The following PALD1 variants were observed in gnomAD, a reference collection of about 807,000 sequenced individuals.
PALD1 encodes phosphatase domain containing paladin 1.
PALD1 carries 57 observed loss-of-function variants against 96.0 expected under a neutral mutation model. That is an observed-to-expected ratio of 0.59 (90% confidence interval 0.48 to 0.74). The LOEUF (loss-of-function observed/expected upper bound fraction) is 0.74. PALD1 is among the 30% of genes least tolerant of loss of function. The pLI is 0.00. For missense variants in PALD1, 1,063 were observed against 1,143.7 expected, an observed-to-expected ratio of 0.93 and a Z score of 1.02; for synonymous variants, 464 against 473.6, an observed-to-expected ratio of 0.98 and a Z score of 0.26.
At position 70,566,540 on chromosome 10, in the gene PALD1, C is replaced by T. The variant is rs754011763; in HGVS notation, c.2419-41C>T. ...ACTCAGTGGCCTTAGTGGCACCCTC[C>T]CTCCCCTGAAACACTGCTCCTGCCT... On this transcript the variant is annotated intron_variant, in intron 19 of 19. Transcript: ENST00000263563. 2.2e-5 allele frequency: 33 copies of T among 1,532,218 alleles called. No homozygotes were observed. In the East Asian group the frequency reaches 6.6e-4, roughly 31 times the overall value. 94.9% of individuals were successfully genotyped at this position (1,532,218 alleles called of 1,614,324 possible).
intron 1 of PALD1, among the ~76,000 whole-genome samples, chr10:70,497,340 C>T (rs138388520): frequency 3.9e-3 from 592 of 152,340 alleles, no homozygotes; most frequent in African/African-American, 8.3e-3. Context: ...ACAGCTGCCT[C>T]GCTCAGACCC....
intron 2 of PALD1, among the ~76,000 whole-genome samples, 153 bp from the exon 3 acceptor site, chr10:70,529,076 G>A (rs373227745): frequency 2.6e-5 from 4 of 151,994 alleles, no homozygotes; most frequent in African/African-American, 9.7e-5. Flanking sequence ...GAGGAAGAAG[G>A]GAAGAGTGGA....
chr10:70,554,879 A>G (rs1396398750), intron 18 of PALD1, among the ~76,000 whole-genome samples: 1 of 126,904 alleles, frequency 7.9e-6, no homozygotes, highest in African/African-American at 3.0e-5. Context: ...TAGTGCTTTA[A>G]CTTTGAGCAG....
At chr10:70,503,619 G>A (rs1846335782) in intron 1 of PALD1, among the ~76,000 whole-genome samples, 3 of 152,116 alleles carry the variant, frequency 2.0e-5, no homozygotes. Context: ...GAGTGACAGA[G>A]CGAGACTCTG....
Position 70,539,221 on chromosome 10 carries a change from C to T in PALD1, c.1699C>T (p.Pro567Ser), listed in dbSNP as rs767028698. 17 of 1,611,248 alleles carry T rather than the reference C, an allele frequency of 1.1e-5. No homozygotes were observed. In the Admixed American group the frequency reaches 2.7e-4, roughly 25 times the overall value. The change falls in exon 14 of 20, where the codon CCC becomes TCC. Residue 567 changes from proline (P) to serine (S), a missense_variant. Coordinates refer to ENST00000263563, the MANE Select transcript of PALD1 (RefSeq NM_014431.3). This position sits in a 1 kb window ranked among gnomAD's most constrained non-coding sequence, Gnocchi z 4.5. ...GHTYSLRWPG[P>S]PVAPDQLETL... is the part of the protein sequence containing the mutation. ...CACCTACAGCCTGCGGTGGCCTGGGCCCCCTGTGGCTCCTGACCAGCTGGA... is the reference window on the plus strand; with the variant it reads ...CACCTACAGCCTGCGGTGGCCTGGGTCCCCTGTGGCTCCTGACCAGCTGGA...
rs1847052910 is a variant in PALD1 at position 70,534,002 on chromosome 10, C to T, written c.951C>T (p.Gly317=). The T allele has an allele frequency of 6.2e-7, 1 of 1,613,252 alleles. No individual in the cohort carries two copies. The highest frequency in any genetic ancestry group is 2.2e-5 in the East Asian group (1 of 44,862). ...ALVFSCQMGV[G]RTNLGMVLGT... is the part of the protein sequence containing the mutation. ...TCTTCAGCTGCCAGATGGGCGTGGGCAGGACCAACCTGGGCATGGTCCTGG... is the reference window on the plus strand; with the variant it reads ...TCTTCAGCTGCCAGATGGGCGTGGGTAGGACCAACCTGGGCATGGTCCTGG... The change falls in exon 8 of 20, where the codon GGC becomes GGT. Residue 317 remains glycine, a synonymous_variant. Coordinates refer to ENST00000263563, the MANE Select transcript of PALD1 (RefSeq NM_014431.3).
intron 1 of PALD1, among the ~76,000 whole-genome samples, chr10:70,508,564 C>T (rs1390794320): frequency 6.6e-6 from 1 of 152,182 alleles, no homozygotes; most frequent in Non-Finnish European, 1.5e-5. Flanking sequence ...CCCAGTGATG[C>T]GCATGAGCAC....
intron 1 of PALD1, among the ~76,000 whole-genome samples, chr10:70,505,139 ATCTT>A (rs1362357183): frequency 2.0e-5 from 3 of 152,210 alleles, no homozygotes; most frequent in Non-Finnish European, 2.9e-5. Flanking sequence ...TATCAGAAAA[ATCTT>A]TCTGTTTTCA....
chr10:70,548,682 TC>T (rs2132417398), intron 18 of PALD1, among the ~76,000 whole-genome samples: 1 of 152,314 alleles, frequency 6.6e-6, no homozygotes, highest in East Asian at 1.9e-4. Flanking sequence ...CAGAAACAGC[TC>T]TTGCCTGTGG....
the PALD1 span, among the ~76,000 whole-genome samples, chr10:70,466,704 G>A: frequency 6.6e-6 from 1 of 152,210 alleles, no homozygotes; most frequent in African/African-American, 2.4e-5. Flanking sequence ...GGTTTTTGGA[G>A]ATGGCAGGCA....
In PALD1 at chr10:70,538,222, G is replaced by A; in HGVS notation, c.1324-58G>A. On this transcript the variant is annotated intron_variant, in intron 11 of 19. Transcript: ENST00000263563. ...CTTCCCCTGCCATGGTGTGGGCAGG[G>A]AGGGTTCAGGATGGCCCTGTGCCCC... 5 of 1,579,716 alleles carry A rather than the reference G, an allele frequency of 3.2e-6. No homozygotes were observed. In the Admixed American group the frequency reaches 5.0e-5, roughly 16 times the overall value.
chr10:70,504,227 T>C (rs563096886), intron 1 of PALD1, among the ~76,000 whole-genome samples: 24 of 152,334 alleles, frequency 1.6e-4, no homozygotes, highest in East Asian at 7.7e-4. Context: ...AAACAGTATA[T>C]TTAAAAACAC....
Position 70,537,806 on chromosome 10 carries a change from C to G in PALD1, c.1228-5C>G. 1 of 1,605,764 alleles carries G rather than the reference C, an allele frequency of 6.2e-7. No homozygotes were observed. The highest frequency in any genetic ancestry group is 8.5e-7 in the Non-Finnish European group (1 of 1,172,868). ...CTGTCCTTAACACCCTGTCCTCTCTCTCAGGGAAGCGGCAGCCGACACAGC... is the reference window on the plus strand; with the variant it reads ...CTGTCCTTAACACCCTGTCCTCTCTGTCAGGGAAGCGGCAGCCGACACAGC... On this transcript the variant is annotated splice_region_variant and splice_polypyrimidine_tract_variant and intron_variant, in intron 10 of 19. Coordinates refer to ENST00000263563, the MANE Select transcript of PALD1 (RefSeq NM_014431.3).
At chr10:70,493,872 A>G (rs1026538033) in intron 1 of PALD1, among the ~76,000 whole-genome samples, 1 of 152,102 alleles carries the variant, frequency 6.6e-6, no homozygotes, top group East Asian at 1.9e-4. Flanking sequence ...CTTGTCCCCA[A>G]CCAACTCTTC....
At chr10:70,516,964 C>T (rs923622447) in intron 1 of PALD1, among the ~76,000 whole-genome samples, 13 of 152,062 alleles carry the variant, frequency 8.5e-5, no homozygotes, top group African/African-American at 3.1e-4. Context: ...GTGGACCAGC[C>T]AGATTTCCAG....
intron 10 of PALD1, among the ~76,000 whole-genome samples, chr10:70,535,809 G>A (rs114967388): frequency 0.01 from 1,539 of 151,774 alleles, 26 homozygotes; most frequent in African/African-American, 0.034. Flanking sequence ...CAAGGGATTC[G>A]TCCACCTCAA....
At chr10:70,483,908 G>A (rs1402834392) in intron 1 of PALD1, among the ~76,000 whole-genome samples, 4 of 152,168 alleles carry the variant, frequency 2.6e-5, no homozygotes, top group Non-Finnish European at 5.9e-5. Context: ...ATCAGGTGCT[G>A]AAAGGTACAA....
chr10:70,565,681 ATG>A (rs1847832693), intron 19 of PALD1, among the ~76,000 whole-genome samples: 1 of 152,098 alleles, frequency 6.6e-6, no homozygotes, highest in Non-Finnish European at 1.5e-5. Context: ...GGTGCATGTG[ATG>A]TGTGTTGAGT....
chr10:70,560,496 G>A (rs866655542), intron 18 of PALD1, among the ~76,000 whole-genome samples: 34 of 152,124 alleles, frequency 2.2e-4, no homozygotes, highest in South Asian at 6.2e-4. Context: ...GGACAGTCCC[G>A]CCTCCTTCAC....
Sources: allele counts gnomAD v4.1 joint callset (sites outside exome capture counted in the v4.1 genomes callset), GRCh38; gene constraint gnomAD v4.1.1; non-coding constraint Gnocchi (gnomAD v3.1); transcripts MANE v1.5; gene names NCBI Gene and HGNC (gene_info 2026-07-23, HGNC 2026-07-21).